Variants in TMEM132C observed in about 807,000 individuals in gnomAD.
TMEM132C encodes transmembrane protein 132C.
TMEM132C carries 29 observed loss-of-function variants against 61.4 expected under a neutral mutation model. The observed-to-expected ratio is 0.47, with a 90% CI of 0.35 to 0.64. TMEM132C has a LOEUF of 0.64. TMEM132C is among the 30% of genes least tolerant of loss of function. The pLI is 0.00. For missense variants in TMEM132C, 1,408 were observed against 1,476.9 expected (o/e 0.95, Z 0.76); for synonymous variants, 656 against 633.1 (o/e 1.04, Z -0.54).
At chr12:128,561,894 T>C (rs961332495) in intron 3 of TMEM132C, among the ~76,000 whole-genome samples, 2 of 152,112 alleles carry the variant, frequency 1.3e-5, no homozygotes, top group African/African-American at 4.8e-5. Flanking sequence ...CTTGTTGATA[T>C]GATTCAAGAT....
intron 5 of TMEM132C, among the ~76,000 whole-genome samples, chr12:128,675,195 A>C (rs554751856): frequency 6.6e-6 from 1 of 152,270 alleles, no homozygotes; most frequent in East Asian, 1.9e-4. Context: ...TGATTTTGGT[A>C]AGGAAAAAGC....
At chr12:128,449,471 C>T (rs1210423182) in intron 2 of TMEM132C, among the ~76,000 whole-genome samples, 1 of 152,100 alleles carries the variant, frequency 6.6e-6, no homozygotes, top group Non-Finnish European at 1.5e-5. Context: ...AACAAGTAGA[C>T]CAGATAACTT....
chr12:128,635,265 T>G (rs11614829), intron 4 of TMEM132C, among the ~76,000 whole-genome samples: 1 of 152,076 alleles, frequency 6.6e-6, no homozygotes, highest in Admixed American at 6.5e-5. Context: ...ACAGAATTCC[T>G]GCTGTGCTCA....
At chr12:128,400,866 C>T (rs1018352504) in intron 1 of TMEM132C, among the ~76,000 whole-genome samples, 3 of 152,120 alleles carry the variant, frequency 2.0e-5, no homozygotes, top group African/African-American at 7.2e-5. Flanking sequence ...GCCTTAGCCT[C>T]CCAAAGTGCT....
intron 1 of TMEM132C, among the ~76,000 whole-genome samples, chr12:128,397,906 G>A (rs1435881218): frequency 6.6e-6 from 1 of 152,182 alleles, no homozygotes; most frequent in African/African-American, 2.4e-5. Context: ...TTAATTGTCT[G>A]TGTGCTCCCT....
At chr12:128,460,590 T>C (rs1199136385) in intron 2 of TMEM132C, among the ~76,000 whole-genome samples, 1 of 152,012 alleles carries the variant, frequency 6.6e-6, no homozygotes, top group East Asian at 1.9e-4. Context: ...GCCACCCCAC[T>C]GAGTAGCAAT....
At chr12:128,546,594 G>A (rs1316699723) in intron 3 of TMEM132C, among the ~76,000 whole-genome samples, 1 of 152,184 alleles carries the variant, frequency 6.6e-6, no homozygotes, top group Non-Finnish European at 1.5e-5. Context: ...GCAGACTGTG[G>A]ACAAGAGGAA....
chr12:128,664,052 GCACTCACAGGCACACA>G (rs1818913410), intron 4 of TMEM132C, among the ~76,000 whole-genome samples: 1 of 77,982 alleles, frequency 1.3e-5, no homozygotes, highest in South Asian at 5.0e-4. Flanking sequence ...ACGCACGCGG[GCACTCACAGGCACACA>G]CACATACAGG....
intron 2 of TMEM132C, among the ~76,000 whole-genome samples, chr12:128,516,521 T>C (rs988697381): frequency 1.6e-4 from 24 of 152,200 alleles, no homozygotes; most frequent in Admixed American, 6.5e-4. Context: ...CTGATGGTTA[T>C]GTTCGGTGCC....
intron 3 of TMEM132C, among the ~76,000 whole-genome samples, chr12:128,553,762 T>C (rs1248575184): frequency 6.6e-6 from 1 of 152,156 alleles, no homozygotes; most frequent in East Asian, 1.9e-4. Flanking sequence ...CCTTCCTAAC[T>C]TTATTTTGTC....
intron 1 of TMEM132C, among the ~76,000 whole-genome samples, chr12:128,319,530 A>T (rs1184659019): frequency 1.3e-5 from 2 of 152,076 alleles, no homozygotes; most frequent in African/African-American, 4.8e-5. Flanking sequence ...AAGGGATATT[A>T]AAAAATGGGC....
At chr12:128,545,450 A>G (rs1240157453) in intron 3 of TMEM132C, among the ~76,000 whole-genome samples, 1 of 152,198 alleles carries the variant, frequency 6.6e-6, no homozygotes, top group Non-Finnish European at 1.5e-5. Context: ...TTTTTGGTAG[A>G]ACAGTCTATT....
At chr12:128,346,213 T>C (rs1282455818) in intron 1 of TMEM132C, among the ~76,000 whole-genome samples, 1 of 152,180 alleles carries the variant, frequency 6.6e-6, no homozygotes, top group Admixed American at 6.5e-5. Context: ...TAGATAGCTG[T>C]AGGTGTGTGA....
chr12:128,358,313 C>A (rs74438109), intron 1 of TMEM132C, among the ~76,000 whole-genome samples: 1 of 152,162 alleles, frequency 6.6e-6, no homozygotes, highest in Admixed American at 6.5e-5. Context: ...CCTGCTTATC[C>A]TGCTCAAAAA....
intron 1 of TMEM132C, among the ~76,000 whole-genome samples, chr12:128,281,615 A>G (rs10847590): frequency 0.29 from 43,731 of 152,154 alleles, 6,983 homozygotes; most frequent in Admixed American, 0.37. Context: ...CTGACCCTGC[A>G]AAGGGCAACT....
chr12:128,301,182 C>T (rs112407925), intron 1 of TMEM132C, among the ~76,000 whole-genome samples: 88 of 151,882 alleles, frequency 5.8e-4, no homozygotes, highest in African/African-American at 1.8e-3. Context: ...AGATGGAAGG[C>T]GAGGAAAGCA....
At chr12:128,464,218 G>A (rs1870643075) in intron 2 of TMEM132C, among the ~76,000 whole-genome samples, 1 of 152,148 alleles carries the variant, frequency 6.6e-6, no homozygotes, top group Admixed American at 6.5e-5. Flanking sequence ...TGAGCAAAGG[G>A]AGCCCATGCA....
At chr12:128,560,850 C>T (rs1874486988) in intron 3 of TMEM132C, among the ~76,000 whole-genome samples, 1 of 152,072 alleles carries the variant, frequency 6.6e-6, no homozygotes, top group South Asian at 2.1e-4. Flanking sequence ...ATCAGAGAGC[C>T]CTCGTGTTGA....
intron 1 of TMEM132C, among the ~76,000 whole-genome samples, chr12:128,273,256 T>G (rs1005525724): frequency 6.6e-6 from 1 of 152,182 alleles, no homozygotes; most frequent in African/African-American, 2.4e-5. Flanking sequence ...TACTTAGGAT[T>G]TTTTTGTTGT....
Sources: gnomAD v4.1 joint callset for allele counts (sites outside exome capture counted in the v4.1 genomes callset) on GRCh38, gnomAD v4.1.1 for gene constraint, MANE v1.5 for transcripts, NCBI Gene and HGNC (gene_info 2026-07-23, HGNC 2026-07-21) for gene names.